The following PLA1A variants were observed in gnomAD, a reference collection of about 807,000 sequenced individuals.
PLA1A encodes phosphatidylserine-specific phospholipase A1alpha.
Under a neutral mutation model 49.4 loss-of-function variants are expected in PLA1A, and 47 were observed. That is an observed-to-expected ratio of 0.95 (90% CI 0.75 to 1.21). The LOEUF (loss-of-function observed/expected upper bound fraction) is 1.21, where lower values mean the gene tolerates loss of function less well. Ranked by LOEUF, PLA1A falls within the 50% of genes most tolerant of loss-of-function variation. The pLI, the probability that PLA1A is intolerant of heterozygous loss-of-function variation, is 0.00. For synonymous variants in PLA1A, 224 were observed against 207.9 expected, an observed-to-expected ratio of 1.08 and a Z score of -0.67; for missense variants, 561 against 563.9, an observed-to-expected ratio of 0.99 and a Z score of 0.05.
intron 9 of PLA1A, among the ~76,000 whole-genome samples, chr3:119,625,992 C>T (rs758813384): frequency 2.2e-4 from 33 of 152,194 alleles, no homozygotes; most frequent in Middle Eastern, 3.4e-3. Flanking sequence ...AGTGAGAGTC[C>T]GGTCAGGAAA....
chr3:119,600,033 A>G (rs1035550338), intron 1 of PLA1A, among the ~76,000 whole-genome samples: 5 of 152,044 alleles, frequency 3.3e-5, no homozygotes, highest in Admixed American at 2.0e-4. Context: ...AGGAAAAAGG[A>G]TGTAATTGAC....
intron 2 of PLA1A, among the ~76,000 whole-genome samples, chr3:119,607,958 C>T (rs1287966765): frequency 6.6e-6 from 1 of 152,158 alleles, no homozygotes; most frequent in African/African-American, 2.4e-5. Context: ...TTCCTGATCC[C>T]AATCTGTTGG....
In PLA1A at chr3:119,615,934, C is replaced by T. The variant is rs2082841516; in HGVS notation, c.665-78C>T. Reference sequence around the variant, plus strand: ...TGACGTGGCAGAGAGTGGGTGGGCTCCCAAGGTCAGAGTTTGAGGTCCGCT... The same window carrying T: ...TGACGTGGCAGAGAGTGGGTGGGCTTCCAAGGTCAGAGTTTGAGGTCCGCT... On this transcript the variant is annotated intron_variant, in intron 5 of 10. Transcript: ENST00000273371. The T allele has an allele frequency of 4.6e-6, 4 of 873,138 alleles. No homozygotes were observed. In the South Asian group the frequency reaches 5.7e-5, roughly 12 times the overall value. The allele number at this position is 873,138 out of a possible 1,614,324, so 54.1% of individuals were successfully genotyped here.
intron 2 of PLA1A, among the ~76,000 whole-genome samples, chr3:119,608,350 T>C (rs2082722469): frequency 6.6e-6 from 1 of 152,098 alleles, no homozygotes; most frequent in South Asian, 2.1e-4. Context: ...AGAATTAAGA[T>C]CGCAAATCTT....
chr3:119,620,106 A>G (rs973445389), intron 8 of PLA1A: 1 of 457,238 alleles, frequency 2.2e-6, no homozygotes, highest in Non-Finnish European at 4.4e-6. Context: ...GTTGCTCCTA[A>G]CCATGGCATT....
chr3:119,625,309 C>T (rs1050438493), intron 9 of PLA1A, 77 bp downstream of exon 9: 15 of 923,484 alleles, frequency 1.6e-5, no homozygotes, highest in Non-Finnish European at 2.6e-5. Context: ...ATGGACATCC[C>T]AGGTCAGGGA....
intron 8 of PLA1A, among the ~76,000 whole-genome samples, chr3:119,622,106 AAGG>A (rs556845936): frequency 5.6e-4 from 73 of 129,918 alleles, no homozygotes; most frequent in East Asian, 2.6e-3. Context: ...GAAGAAGAAG[AAGG>A]AGAAGGAGAA....
chr3:119,612,682 G>T (rs2082784913), intron 4 of PLA1A, among the ~76,000 whole-genome samples: 1 of 152,120 alleles, frequency 6.6e-6, no homozygotes, highest in South Asian at 2.1e-4. Flanking sequence ...TAGAGACGGG[G>T]TTGCACCATG....
At chr3:119,627,456 A>G (rs2052557294) in intron 9 of PLA1A, among the ~76,000 whole-genome samples, 1 of 151,452 alleles carries the variant, frequency 6.6e-6, no homozygotes, top group Admixed American at 6.5e-5. Context: ...TGTGAATTTA[A>G]AAAAAGAGGG....
intron 4 of PLA1A, among the ~76,000 whole-genome samples, chr3:119,611,000 T>G (rs919745908): frequency 1.9e-4 from 29 of 152,134 alleles, no homozygotes; most frequent in African/African-American, 6.5e-4. Context: ...TGGTGAGAGG[T>G]AGGGGTCCAG....
chr3:119,619,236 C>T (rs183495875), intron 7 of PLA1A, among the ~76,000 whole-genome samples: 3 of 152,304 alleles, frequency 2.0e-5, no homozygotes, highest in South Asian at 2.1e-4. Context: ...TCCCACTGCA[C>T]GGGATATAAA....
chr3:119,619,597 G>C lies in PLA1A; in HGVS notation c.957G>C (p.Pro319=), dbSNP rs116815407. The change falls in exon 8 of 11, where the codon CCG becomes CCC. Residue 319 remains proline, a synonymous_variant. Transcript: ENST00000273371. The stretch of plus-strand genomic sequence containing the variant: ...AACAAGGTGGTGTCAAGATAGAGCC[G>C]CTCCCCAAGGAAGTGAAAGTCTACC... The part of the protein sequence containing the change: ...LVEQGGVKIE[P]LPKEVKVYLL... 2 of 1,613,530 alleles carry C rather than the reference G, an allele frequency of 1.2e-6. No individual in the cohort carries two copies. Among genetic ancestry groups the C allele is most frequent in the Admixed American group, 3.3e-5 (2 of 60,000 alleles).
At position 119,628,794 on chromosome 3, in the gene PLA1A, C is replaced by T. The variant is rs780857727; in HGVS notation, c.1215C>T (p.Asn405=). 4 of 1,613,736 alleles carry T rather than the reference C, an allele frequency of 2.5e-6. No individual in the cohort carries two copies. The highest frequency in any genetic ancestry group is 3.4e-6 in the Non-Finnish European group (4 of 1,179,606). ...TGAAATTCAAGTTTCAGTCTTCCAA[C>T]CGAGTTTGGAAAAAAGACCGGACTA... ...NQVKFKFQSS[N]RVWKKDRTTI... is the part of the protein sequence containing the mutation. The change falls in exon 10 of 11, where the codon AAC becomes AAT. Residue 405 remains asparagine, a synonymous_variant. Transcript: ENST00000273371.
intron 10 of PLA1A, 149 bp downstream of exon 10, chr3:119,629,014 A>C: frequency 1.4e-6 from 1 of 706,886 alleles, no homozygotes. Flanking sequence ...GTTTTCCAGA[A>C]CCTCCTGTGG....
At chr3:119,610,623 CTT>C (rs1441894436) in intron 4 of PLA1A, among the ~76,000 whole-genome samples, 1 of 152,108 alleles carries the variant, frequency 6.6e-6, no homozygotes, top group Admixed American at 6.6e-5. Context: ...CAAGAAGTCT[CTT>C]TTCATGTCCT....
intron 1 of PLA1A, among the ~76,000 whole-genome samples, chr3:119,599,595 A>G (rs73192008): frequency 0.11 from 16,067 of 152,246 alleles, 1,066 homozygotes; most frequent in East Asian, 0.22. Flanking sequence ...CACACAGATA[A>G]GAGAAGCTCA....
At chr3:119,623,284 G>T (rs1157503416) in intron 8 of PLA1A, among the ~76,000 whole-genome samples, 1 of 152,018 alleles carries the variant, frequency 6.6e-6, no homozygotes, top group Non-Finnish European at 1.5e-5. Context: ...TGGGACTACA[G>T]GTACACACCA....
chr3:119,625,149 C>T lies in PLA1A; in HGVS notation c.1038C>T (p.His346=). 4 of 1,613,454 alleles carry T rather than the reference C, an allele frequency of 2.5e-6. No individual in the cohort carries two copies. Among genetic ancestry groups the T allele is most frequent in the Non-Finnish European group, 1.7e-6 (2 of 1,179,396 alleles). Residue 346 remains histidine, a synonymous_variant, in exon 9 of 11, where the codon CAC becomes CAT. Transcript: ENST00000273371. The part of the protein sequence containing the change: ...YCMHHSLVEF[H]LKELRNKDTN... ...TGCATCACAGCCTCGTGGAGTTTCA[C>T]TTGAAGGAACTGAGAAACAAGGACA...
chr3:119,609,745 T>A (rs2082739937), intron 4 of PLA1A, among the ~76,000 whole-genome samples, 169 bp downstream of exon 4: 1 of 152,234 alleles, frequency 6.6e-6, no homozygotes, highest in Non-Finnish European at 1.5e-5. Context: ...TAAAATGGTA[T>A]TGTGTTATTA....
Sources: gnomAD v4.1 joint callset for allele counts (sites outside exome capture counted in the v4.1 genomes callset) on GRCh38, gnomAD v4.1.1 for gene constraint, MANE v1.5 for transcripts, NCBI Gene and HGNC (gene_info 2026-07-23, HGNC 2026-07-21) for gene names.